RAB33A: variants seen among roughly 807,000 people sequenced by gnomAD.
The protein encoded by RAB33A is ras-related protein Rab-33A.
RAB33A carries 6 observed loss-of-function variants against 12.0 expected under a neutral mutation model. The ratio of observed to expected loss-of-function variants is 0.50; its 90% CI spans 0.27 to 0.99. The LOEUF (loss-of-function observed/expected upper bound fraction) is 0.99. RAB33A is among the 50% of genes least tolerant of loss of function. The pLI, the probability that RAB33A is intolerant of heterozygous loss-of-function variation, is 0.11. For synonymous variants in RAB33A, 70 were observed against 82.4 expected (o/e 0.85, Z 0.81); for missense variants, 109 against 192.0 (o/e 0.57, Z 2.55).
chrX:130,150,155 A>G, the RAB33A span, among the ~76,000 whole-genome samples: 2 of 110,953 alleles, frequency 1.8e-5, no homozygotes, highest in Non-Finnish European at 3.8e-5. Context: ...TCATTCAGAA[A>G]AACTACACAC....
chrX:130,122,266 T>A, the RAB33A span, among the ~76,000 whole-genome samples: 1 of 112,779 alleles, frequency 8.9e-6, no homozygotes, highest in South Asian at 3.6e-4. Context: ...ACAAGGTGCC[T>A]AAGGGCCTCA....
At chrX:130,131,486 G>A in the RAB33A span, among the ~76,000 whole-genome samples, 1 of 112,101 alleles carries the variant, frequency 8.9e-6, no homozygotes, top group East Asian at 2.8e-4. Context: ...CTTTGACCAG[G>A]ATACCTGATT....
intron 1 of RAB33A, among the ~76,000 whole-genome samples, chrX:130,183,898 A>AT (rs1436689805): frequency 2.7e-5 from 3 of 110,029 alleles, no homozygotes; most frequent in African/African-American, 6.6e-5. Flanking sequence ...CACTTTTTTT[A>AT]TTTTTTTTGA....
chrX:130,118,385 G>C, the RAB33A span, among the ~76,000 whole-genome samples: 3 of 112,628 alleles, frequency 2.7e-5, no homozygotes, highest in African/African-American at 6.5e-5. Context: ...GTTTGTACCA[G>C]GAGGTAGACA....
At chrX:130,164,906 T>G in the RAB33A span, among the ~76,000 whole-genome samples, 1 of 110,869 alleles carries the variant, frequency 9.0e-6, no homozygotes, top group East Asian at 2.8e-4. Flanking sequence ...GCTCTAAAAT[T>G]TGATGAAACA....
At chrX:130,119,562 G>C in the RAB33A span, among the ~76,000 whole-genome samples, 1 of 110,749 alleles carries the variant, frequency 9.0e-6, no homozygotes, top group Non-Finnish European at 1.9e-5. Context: ...CTTTCTCCTC[G>C]ATGGTGCTCT....
chrX:130,121,920 G>A, the RAB33A span, among the ~76,000 whole-genome samples: 5 of 112,354 alleles, frequency 4.5e-5, no homozygotes, highest in African/African-American at 1.3e-4. Context: ...GAACAAGTGA[G>A]AACATGGGCT....
At chrX:130,132,742 C>G in the RAB33A span, among the ~76,000 whole-genome samples, 3 of 69,856 alleles carry the variant, frequency 4.3e-5, no homozygotes, top group African/African-American at 1.9e-4. Flanking sequence ...TCTGACACTC[C>G]TTTTTTTTTT....
At chrX:130,136,019 G>A in the RAB33A span, 1 of 1,210,685 alleles carries the variant, frequency 8.3e-7, no homozygotes, top group Non-Finnish European at 1.1e-6. Context: ...AATGAATTAT[G>A]CCTGGTCATG....
the RAB33A span, among the ~76,000 whole-genome samples, chrX:130,153,178 C>A: frequency 0.018 from 775 of 43,154 alleles, 1 homozygote; most frequent in Non-Finnish European, 0.023. Context: ...ACTAAAAATA[C>A]AAAAAAAAAA....
upstream of RAB33A, chrX:130,171,694 C>CGCG (rs2031607699): frequency 5.0e-6 from 1 of 198,828 alleles, no homozygotes; most frequent in Non-Finnish European, 9.2e-6. Context: ...TGGGCCGAGG[C>CGCG]GCGGCGGCGG....
the RAB33A span, chrX:130,155,021 C>A: frequency 1.2e-6 from 1 of 829,243 alleles, no homozygotes; most frequent in Non-Finnish European, 1.8e-6. Flanking sequence ...TAGTGACTGA[C>A]AATGTCCCTT....
At chrX:130,129,491 T>C in the RAB33A span, 1 of 924,935 alleles carries the variant, frequency 1.1e-6, no homozygotes, top group Non-Finnish European at 1.6e-6. Context: ...AATAAAAAAA[T>C]GCTCCTTTAC....
intron 1 of RAB33A, among the ~76,000 whole-genome samples, chrX:130,173,945 C>T (rs1057264643): frequency 3.6e-5 from 4 of 111,462 alleles, no homozygotes; most frequent in Non-Finnish European, 7.5e-5. Flanking sequence ...CAAAGAGTTC[C>T]CTGGATTTAA....
the RAB33A span, among the ~76,000 whole-genome samples, chrX:130,138,230 C>T: frequency 9.0e-6 from 1 of 111,454 alleles, no homozygotes; most frequent in African/African-American, 3.3e-5. Flanking sequence ...CTTTGGGAGG[C>T]CAAGGTGGGC....
At chrX:130,153,377 C>CGGCA in the RAB33A span, among the ~76,000 whole-genome samples, 1 of 98,945 alleles carries the variant, frequency 1.0e-5, no homozygotes, top group Non-Finnish European at 2.0e-5. Context: ...AAAAAAAAGT[C>CGGCA]GGCAGTTTAC....
At chrX:130,179,236 A>C (rs1255710107) in intron 1 of RAB33A, among the ~76,000 whole-genome samples, 2 of 111,915 alleles carry the variant, frequency 1.8e-5, no homozygotes, top group Admixed American at 1.9e-4. Context: ...GGTCTCCAGC[A>C]GAGAGGGCCC....
chrX:130,165,814 C>T, the RAB33A span: 23 of 528,625 alleles, frequency 4.4e-5, 1 homozygote, highest in Middle Eastern at 4.2e-3. Context: ...ACAGAGAAGC[C>T]GGCCTGCTAG....
chrX:130,165,809 GA>G, the RAB33A span: 41 of 535,540 alleles, frequency 7.7e-5, no homozygotes, highest in Middle Eastern at 3.4e-4. Context: ...ATTGGACAGA[GA>G]AGCCGGCCTG....
Sources: gnomAD v4.1 joint callset for allele counts (sites outside exome capture counted in the v4.1 genomes callset) on GRCh38, gnomAD v4.1.1 for gene constraint, MANE v1.5 for transcripts, NCBI Gene and HGNC (gene_info 2026-07-23, HGNC 2026-07-21) for gene names.